Variants in GALNTL6 observed in about 807,000 individuals in gnomAD.
GALNTL6 encodes the protein polypeptide N-acetylgalactosaminyltransferase-like 6.
A neutral mutation model predicts 73.7 loss-of-function variants in GALNTL6; 46 were observed. That is an observed-to-expected ratio of 0.62 (90% confidence interval 0.49 to 0.80). The LOEUF (loss-of-function observed/expected upper bound fraction) is 0.80. Ranked by LOEUF, GALNTL6 falls within the 30% of genes least tolerant of loss-of-function variation. The pLI is 0.00. For missense variants in GALNTL6, 604 were observed against 755.0 expected (o/e 0.80, Z 2.34); for synonymous variants, 259 against 263.7 (o/e 0.98, Z 0.17).
At chr4:172,431,406 A>G (rs1731445458) in intron 5 of GALNTL6, among the ~76,000 whole-genome samples, 1 of 152,152 alleles carries the variant, frequency 6.6e-6, no homozygotes, top group Admixed American at 6.6e-5. Flanking sequence ...ATGACATTGT[A>G]TTTAATAATT....
At chr4:171,854,658 G>A (rs1333437227) in intron 2 of GALNTL6, among the ~76,000 whole-genome samples, 1 of 152,210 alleles carries the variant, frequency 6.6e-6, no homozygotes, top group Non-Finnish European at 1.5e-5. Context: ...AGGCTGGGAG[G>A]TGGAAGGTCA....
intron 10 of GALNTL6, among the ~76,000 whole-genome samples, chr4:172,988,779 T>C (rs909104531): frequency 6.6e-6 from 1 of 152,214 alleles, no homozygotes; most frequent in Admixed American, 6.5e-5. Context: ...GGGCCCCAGA[T>C]AGGTCTCAGG....
chr4:172,208,917 T>G (rs1736232941), intron 2 of GALNTL6, among the ~76,000 whole-genome samples: 1 of 152,126 alleles, frequency 6.6e-6, no homozygotes, highest in Non-Finnish European at 1.5e-5. Context: ...CTTTTTATCT[T>G]TGGGCAAAAA....
chr4:172,186,035 T>C (rs1735405697), intron 2 of GALNTL6, among the ~76,000 whole-genome samples: 1 of 152,164 alleles, frequency 6.6e-6, no homozygotes. Flanking sequence ...CTTTTTTGAA[T>C]GGCATAAGAT....
At chr4:171,901,728 T>A (rs2110943924) in intron 2 of GALNTL6, among the ~76,000 whole-genome samples, 1 of 152,308 alleles carries the variant, frequency 6.6e-6, no homozygotes, top group African/African-American at 2.4e-5. Flanking sequence ...CTAAACTGGA[T>A]TTTTAAAAGT....
At chr4:172,623,363 A>C (rs1402541170) in intron 5 of GALNTL6, among the ~76,000 whole-genome samples, 1 of 152,146 alleles carries the variant, frequency 6.6e-6, no homozygotes, top group Non-Finnish European at 1.5e-5. Flanking sequence ...TCATATGTAT[A>C]TAATTTTAAA....
intron 5 of GALNTL6, among the ~76,000 whole-genome samples, chr4:172,518,300 G>A (rs1734671929): frequency 6.6e-6 from 1 of 151,914 alleles, no homozygotes; most frequent in Non-Finnish European, 1.5e-5. Flanking sequence ...TCAAGAAGTT[G>A]AAGGAAAAGA....
intron 5 of GALNTL6, among the ~76,000 whole-genome samples, chr4:172,802,907 A>C (rs762216766): frequency 6.6e-5 from 10 of 152,280 alleles, no homozygotes; most frequent in Non-Finnish European, 1.2e-4. Context: ...GAAGGTCTTC[A>C]AAATTCAGAC....
chr4:171,975,599 AG>A (rs1266417019), intron 2 of GALNTL6, among the ~76,000 whole-genome samples: 4 of 152,164 alleles, frequency 2.6e-5, no homozygotes, highest in African/African-American at 9.7e-5. Context: ...GAAAAGCAAA[AG>A]CAAAAGAAAG....
chr4:172,757,660 A>G (rs1487494503), intron 5 of GALNTL6, among the ~76,000 whole-genome samples: 1 of 152,376 alleles, frequency 6.6e-6, no homozygotes, highest in East Asian at 1.9e-4. Context: ...GAGGACATCC[A>G]CGAACTAATT....
chr4:172,920,555 G>A lies in GALNTL6; in HGVS notation c.1042-10606G>A, dbSNP rs541721695. Reference sequence around the variant, plus strand: ...TGCCTAAGTTATACCATACAATTAGGAAGTTATTTTCTGGTCCTAGAAATT... The same window carrying A: ...TGCCTAAGTTATACCATACAATTAGAAAGTTATTTTCTGGTCCTAGAAATT... On this transcript the variant is annotated intron_variant, in intron 8 of 12. Coordinates refer to ENST00000506823, the MANE Select transcript of GALNTL6 (RefSeq NM_001034845.3). Among the ~76,000 whole-genome samples, 196 of 152,200 alleles carry A rather than the reference G, an allele frequency of 1.3e-3. 5 individuals are homozygous for A. The South Asian group carries it at 0.04, about 31-fold the overall frequency.
chr4:171,942,623 G>T (rs918662630), intron 2 of GALNTL6, among the ~76,000 whole-genome samples: 6 of 152,170 alleles, frequency 3.9e-5, no homozygotes, highest in African/African-American at 1.4e-4. Flanking sequence ...GGATAGGATT[G>T]TTTGTTTTCT....
chr4:172,291,606 A>G (rs943760615), intron 3 of GALNTL6, among the ~76,000 whole-genome samples: 2 of 152,052 alleles, frequency 1.3e-5, no homozygotes, highest in African/African-American at 4.8e-5. Context: ...GCCTAGAAAT[A>G]TGTTATCTAT....
At chr4:172,976,755 A>G (rs1750829847) in intron 10 of GALNTL6, among the ~76,000 whole-genome samples, 1 of 152,230 alleles carries the variant, frequency 6.6e-6, no homozygotes. Context: ...AGCAGCCTAA[A>G]GAAAAGGCTG....
At chr4:172,669,199 T>G (rs1553969856) in intron 5 of GALNTL6, 1 of 152,210 alleles carries the variant, frequency 6.6e-6, no homozygotes, top group Non-Finnish European at 1.5e-5. Context: ...TTTAAAATAG[T>G]GACCACTGAT....
chr4:172,172,432 G>A (rs1157547989), intron 2 of GALNTL6, among the ~76,000 whole-genome samples: 1 of 152,084 alleles, frequency 6.6e-6, no homozygotes, highest in East Asian at 1.9e-4. Flanking sequence ...CCAGACCTCA[G>A]GTGATCTGCC....
At chr4:172,691,104 T>C (rs928845003) in intron 5 of GALNTL6, among the ~76,000 whole-genome samples, 6 of 152,152 alleles carry the variant, frequency 3.9e-5, no homozygotes, top group African/African-American at 1.2e-4. Flanking sequence ...CAGGAAAGTT[T>C]CCATGGAGGA....
At chr4:172,048,390 G>T (rs1163943574) in intron 2 of GALNTL6, among the ~76,000 whole-genome samples, 2 of 152,042 alleles carry the variant, frequency 1.3e-5, no homozygotes, top group African/African-American at 4.8e-5. Context: ...TTAAATTTTT[G>T]ATACTATTCC....
chr4:172,451,948 C>T (rs1732228255), intron 5 of GALNTL6, among the ~76,000 whole-genome samples: 1 of 152,102 alleles, frequency 6.6e-6, no homozygotes, highest in Non-Finnish European at 1.5e-5. Flanking sequence ...GAAGTTGAGG[C>T]TGCAATGAAC....
Sources: gnomAD v4.1 joint callset for allele counts (sites outside exome capture counted in the v4.1 genomes callset) on GRCh38, gnomAD v4.1.1 for gene constraint, MANE v1.5 for transcripts, NCBI Gene and HGNC (gene_info 2026-07-23, HGNC 2026-07-21) for gene names.